NUSAP1: variants seen among roughly 807,000 people sequenced by gnomAD.
The protein encoded by NUSAP1 is nucleolar and spindle associated protein 1.
Under a neutral mutation model 52.8 loss-of-function variants are expected in NUSAP1, and 32 were observed. The ratio of observed to expected loss-of-function variants is 0.61; its 90% CI spans 0.46 to 0.81. The LOEUF is 0.81. NUSAP1 is among the 40% of genes least tolerant of loss of function. The pLI is 0.00. For missense variants in NUSAP1, 499 were observed against 522.3 expected (o/e 0.96, Z 0.43); for synonymous variants, 195 against 183.1 (o/e 1.06, Z -0.52).
At chr15:41,337,959 G>C (rs1053864883) in intron 1 of NUSAP1, among the ~76,000 whole-genome samples, 2 of 116,090 alleles carry the variant, frequency 1.7e-5, no homozygotes, top group African/African-American at 6.9e-5. Context: ...TTGAGTCACA[G>C]TCTTGCTCTG....
intron 3 of NUSAP1, among the ~76,000 whole-genome samples, chr15:41,349,765 T>TG (rs2048711736): frequency 7.0e-6 from 1 of 142,528 alleles, no homozygotes; most frequent in Admixed American, 7.0e-5. Flanking sequence ...TTTTTTCTTT[T>TG]CTTTTTTTTT....
chr15:41,361,510 C>G (rs928656120), intron 6 of NUSAP1, among the ~76,000 whole-genome samples: 1 of 152,080 alleles, frequency 6.6e-6, no homozygotes, highest in Non-Finnish European at 1.5e-5. Flanking sequence ...CACTTGAGCC[C>G]CAGTGTTGAA....
At chr15:41,366,537 C>T (rs2049424216) in intron 7 of NUSAP1, among the ~76,000 whole-genome samples, 2 of 152,152 alleles carry the variant, frequency 1.3e-5, no homozygotes. Context: ...CTGCCTTGGC[C>T]TCCCAAAGTG....
At chr15:41,374,203 T>C (rs1167483092) in intron 8 of NUSAP1, among the ~76,000 whole-genome samples, 1 of 152,222 alleles carries the variant, frequency 6.6e-6, no homozygotes, top group Non-Finnish European at 1.5e-5. Context: ...TTGCGGCTGC[T>C]ATTATATAAC....
chr15:41,359,963 C>CT lies in NUSAP1; in HGVS notation c.660+1718dup, dbSNP rs796686073. On this transcript the variant is annotated intron_variant, in intron 6 of 10. Transcript: ENST00000559596. Reference sequence around the variant, plus strand: ...ACATTTGAAGGCACTGTTTGTCAAACTTTTTTTTTTTTTGAGACTCAGTCT... The same window carrying CT: ...ACATTTGAAGGCACTGTTTGTCAAACTTTTTTTTTTTTTTGAGACTCAGTCT... Among the ~76,000 whole-genome samples, 595 of 145,466 alleles carry CT rather than the reference C, an allele frequency of 4.1e-3. 2 individuals are homozygous for CT. The highest frequency in any genetic ancestry group is 0.012 in the African/African-American group (487 of 39,910).
intron 1 of NUSAP1, among the ~76,000 whole-genome samples, chr15:41,338,808 T>A (rs866706788): frequency 1.5e-3 from 208 of 140,198 alleles, no homozygotes; most frequent in African/African-American, 5.2e-3. Flanking sequence ...AAAAAAAAAA[T>A]ACAAAAATTA....
intron 8 of NUSAP1, among the ~76,000 whole-genome samples, chr15:41,374,793 G>A (rs1156993239): frequency 2.6e-5 from 4 of 151,996 alleles, no homozygotes; most frequent in African/African-American, 9.7e-5. Context: ...CCAAAGTGCT[G>A]GGATTACAGT....
At chr15:41,372,751 C>G (rs1280456903) in intron 8 of NUSAP1, among the ~76,000 whole-genome samples, 1 of 151,970 alleles carries the variant, frequency 6.6e-6, no homozygotes, top group Non-Finnish European at 1.5e-5. Context: ...CAGATGTAGG[C>G]AAGGGTTCAC....
intron 7 of NUSAP1, among the ~76,000 whole-genome samples, chr15:41,367,698 C>T (rs547398418): frequency 3.3e-5 from 5 of 152,078 alleles, no homozygotes; most frequent in African/African-American, 9.7e-5. Flanking sequence ...GGTATTCTCC[C>T]GTAGTAAGGA....
chr15:41,368,812 G>A (rs758423724), intron 7 of NUSAP1, among the ~76,000 whole-genome samples: 15 of 130,724 alleles, frequency 1.1e-4, no homozygotes, highest in Non-Finnish European at 2.2e-4. Context: ...GGCTCACTAC[G>A]ACCTCCATCT....
intron 4 of NUSAP1, chr15:41,351,849 T>A (rs1476157452): frequency 6.6e-6 from 1 of 152,092 alleles, no homozygotes; most frequent in African/African-American, 2.4e-5. Context: ...AAAATTCCCA[T>A]ATCTAAATAA....
rs373396441 is a variant in NUSAP1, at chr15:41,369,725, A to G, written c.849-1802A>G. 7.2e-5 allele frequency among the ~76,000 whole-genome samples: 11 copies of G among 152,110 alleles called. 1 individual carries two copies. Among genetic ancestry groups the G allele is most frequent in the East Asian group, 5.8e-4 (3 of 5,188 alleles). On this transcript the variant is annotated intron_variant, in intron 7 of 10. Transcript: ENST00000559596. The stretch of plus-strand genomic sequence containing the variant: ...TACAGGTGGGTCTGGACTTCACACC[A>G]TAAGATACCATTAATTGAATGAAGG...
chr15:41,376,341 G>A (rs2049933713), intron 9 of NUSAP1, among the ~76,000 whole-genome samples: 1 of 152,032 alleles, frequency 6.6e-6, no homozygotes, highest in African/African-American at 2.4e-5. Context: ...AGAGGTTGCA[G>A]TGAGCCGAGA....
chr15:41,372,751 C>A (rs1280456903), intron 8 of NUSAP1, among the ~76,000 whole-genome samples: 3 of 151,970 alleles, frequency 2.0e-5, no homozygotes, highest in African/African-American at 7.3e-5. Context: ...CAGATGTAGG[C>A]AAGGGTTCAC....
chr15:41,366,230 A>G (rs546895924), intron 7 of NUSAP1, among the ~76,000 whole-genome samples: 49 of 150,600 alleles, frequency 3.3e-4, no homozygotes, highest in African/African-American at 1.0e-3. Context: ...ACCTTGGCCA[A>G]CCAAAGTGCT....
At chr15:41,336,648 G>GTGTTTTTTTT (rs1555426223) in intron 1 of NUSAP1, among the ~76,000 whole-genome samples, 11 of 91,374 alleles carry the variant, frequency 1.2e-4, no homozygotes, top group African/African-American at 4.4e-4. Flanking sequence ...CCTCCTTTTG[G>GTGTTTTTTTT]TTTTTTTTTT....
chr15:41,345,881 C>T (rs960882586), intron 2 of NUSAP1, among the ~76,000 whole-genome samples: 4 of 152,188 alleles, frequency 2.6e-5, no homozygotes, highest in Non-Finnish European at 5.9e-5. Flanking sequence ...CTGGATGTCT[C>T]TTCTTACTAC....
chr15:41,373,599 G>A (rs1315234697), intron 8 of NUSAP1, among the ~76,000 whole-genome samples: 6 of 151,364 alleles, frequency 4.0e-5, no homozygotes, highest in South Asian at 2.1e-4. Flanking sequence ...ACAAGTGCCC[G>A]CCACCACGCC....
intron 1 of NUSAP1, among the ~76,000 whole-genome samples, chr15:41,334,700 C>T (rs2048053960): frequency 2.9e-5 from 1 of 34,252 alleles, no homozygotes; most frequent in South Asian, 1.3e-3. Context: ...CTTTATCTGC[C>T]TGGCTGTGTG....
Sources: allele counts gnomAD v4.1 joint callset (sites outside exome capture counted in the v4.1 genomes callset), GRCh38; gene constraint gnomAD v4.1.1; transcripts MANE v1.5; gene names NCBI Gene and HGNC (gene_info 2026-07-23, HGNC 2026-07-21).